ZNF532: variants seen among roughly 807,000 people sequenced by gnomAD.
The protein encoded by ZNF532 is zinc finger protein 532.
ZNF532 carries 22 observed loss-of-function variants against 89.3 expected under a neutral mutation model. The ratio of observed to expected loss-of-function variants is 0.25; its 90% CI spans 0.18 to 0.35. ZNF532 has a LOEUF of 0.35. ZNF532 is among the 10% of genes least tolerant of loss of function. ZNF532 has a pLI of 1.00. For missense variants in ZNF532, 1,132 were observed against 1,643.4 expected (o/e 0.69, Z 5.38); for synonymous variants, 606 against 649.6 (o/e 0.93, Z 1.02).
chr18:58,875,622 G>A (rs1157136674), intron 2 of ZNF532, among the ~76,000 whole-genome samples: 1 of 152,136 alleles, frequency 6.6e-6, no homozygotes, highest in Non-Finnish European at 1.5e-5. Context: ...AAGGGAACCA[G>A]TATTAATCAC....
At chr18:58,913,032 A>G (rs1175170436) in intron 2 of ZNF532, among the ~76,000 whole-genome samples, 1 of 152,216 alleles carries the variant, frequency 6.6e-6, no homozygotes, top group Non-Finnish European at 1.5e-5. Context: ...TGGTGTTTGG[A>G]ATGGAAATGC....
chr18:58,968,989 C>T (rs2066195360), intron 7 of ZNF532, among the ~76,000 whole-genome samples: 1 of 152,056 alleles, frequency 6.6e-6, no homozygotes, highest in African/African-American at 2.4e-5. Context: ...CAGGTGGGGA[C>T]ATCAAAGAAA....
At chr18:58,968,474 C>T (rs1021029736) in intron 7 of ZNF532, among the ~76,000 whole-genome samples, 7 of 152,198 alleles carry the variant, frequency 4.6e-5, no homozygotes, top group African/African-American at 1.2e-4. Flanking sequence ...CATCATGGTG[C>T]TCCCATACCT....
chr18:58,911,293 G>C (rs1371782981), intron 2 of ZNF532, among the ~76,000 whole-genome samples: 1 of 152,254 alleles, frequency 6.6e-6, no homozygotes, highest in African/African-American at 2.4e-5. Flanking sequence ...GCTTGGCAAA[G>C]CCAGCATGAA....
Position 58,981,490 on chromosome 18 carries a change from G to C in ZNF532, c.3284G>C (p.Arg1095Pro). 6.2e-7 allele frequency: 1 copy of C among 1,613,154 alleles called. No individual in the cohort carries two copies. The highest frequency in any genetic ancestry group is 8.5e-7 in the Non-Finnish European group (1 of 1,179,924). The change falls in exon 9 of 10, where the codon CGT becomes CCT. Residue 1095 changes from arginine (R) to proline (P), a missense_variant. By Grantham distance (103) the Arg-to-Pro change is moderately radical (BLOSUM62 -2). Coordinates refer to ENST00000591808, the MANE Select transcript of ZNF532 (RefSeq NM_001375912.1). ...YACSHCPDSR[R>P]TFTKRLMLEK... ...CACAGGCACTGCCCAGACTCCAGAC[G>C]TACCTTTACCAAACGTTTGATGCTG... is the stretch of plus-strand genomic sequence containing the variant.
At chr18:58,867,507 G>A (rs1488174674) in intron 2 of ZNF532, among the ~76,000 whole-genome samples, 1 of 152,134 alleles carries the variant, frequency 6.6e-6, no homozygotes, top group Admixed American at 6.5e-5. Context: ...CCCTGGAGTG[G>A]GGAGAGTCTT....
intron 3 of ZNF532, among the ~76,000 whole-genome samples, chr18:58,920,912 A>T (rs1858706136): frequency 6.6e-6 from 1 of 151,856 alleles, no homozygotes; most frequent in Non-Finnish European, 1.5e-5. Context: ...AGGTGGTAGC[A>T]GGAGTGGTAG....
chr18:58,924,287 C>A lies in ZNF532; in HGVS notation c.2346+3654C>A, dbSNP rs571777633. 4.6e-5 allele frequency among the ~76,000 whole-genome samples: 7 copies of A among 152,386 alleles called. No homozygotes were observed. The South Asian group carries it at 1.4e-3, about 32-fold the overall frequency. ...TTTTTTCTGGTGCTCACACCCTGAC[C>A]TGTGCTTTCTGGGGTAGGAACCCAG... On this transcript the variant is annotated intron_variant, in intron 3 of 9. Coordinates refer to ENST00000591808, the MANE Select transcript of ZNF532 (RefSeq NM_001375912.1).
chr18:58,878,389 T>C (rs1330198521), intron 2 of ZNF532, among the ~76,000 whole-genome samples: 1 of 152,226 alleles, frequency 6.6e-6, no homozygotes, highest in Non-Finnish European at 1.5e-5. Flanking sequence ...GCAGGACAGA[T>C]GGCCATGCAC....
chr18:58,940,797 A>T (rs1187835031), intron 5 of ZNF532, among the ~76,000 whole-genome samples: 1 of 152,100 alleles, frequency 6.6e-6, no homozygotes, highest in African/African-American at 2.4e-5. Context: ...TGGATTAGTT[A>T]TCGCAACATA....
Position 58,920,286 on chromosome 18 carries a change from G to A in ZNF532, c.1999G>A (p.Gly667Arg). The A allele has an allele frequency of 1.2e-6, 2 of 1,613,936 alleles. No individual in the cohort carries two copies. Among genetic ancestry groups the A allele is most frequent in the Non-Finnish European group, 1.7e-6 (2 of 1,179,854 alleles). ...ATGCAGCCTCCTTTCCCATGCCCGT[G>A]GGCATAAGGAGAAAGGGGTGGTAAT... The part of the protein sequence containing the change: ...NKCSLLSHAR[G>R]HKEKGVVMQC... Residue 667 changes from glycine (G) to arginine (R), a missense_variant, in exon 3 of 10, where the codon GGG becomes AGG. Physicochemically the swap from Gly to Arg is moderately radical, Grantham distance 125. This residue lies in a region of ZNF532 where 70 missense variants were observed against 152.1 expected (regional missense o/e 0.46). Coordinates refer to ENST00000591808, the MANE Select transcript of ZNF532 (RefSeq NM_001375912.1).
intron 5 of ZNF532, among the ~76,000 whole-genome samples, chr18:58,946,364 C>T (rs2063662025): frequency 6.7e-6 from 1 of 149,050 alleles, no homozygotes; most frequent in Non-Finnish European, 1.5e-5. Context: ...GTGATCTCAG[C>T]TCACTGCAAC....
At chr18:58,942,244 G>T (rs868432805) in intron 5 of ZNF532, among the ~76,000 whole-genome samples, 7 of 149,628 alleles carry the variant, frequency 4.7e-5, no homozygotes, top group African/African-American at 1.5e-4. Flanking sequence ...GGATGGTCTC[G>T]AACTCCTGAC....
At chr18:58,901,610 A>C (rs1017225691) in intron 2 of ZNF532, among the ~76,000 whole-genome samples, 5 of 152,216 alleles carry the variant, frequency 3.3e-5, no homozygotes, top group African/African-American at 1.2e-4. Context: ...GCAAAGTGGA[A>C]TCTGGAACTT....
At chr18:58,869,840 C>CACT (rs1284275166) in intron 2 of ZNF532, among the ~76,000 whole-genome samples, 1 of 145,522 alleles carries the variant, frequency 6.9e-6, no homozygotes, top group Non-Finnish European at 1.5e-5. Flanking sequence ...GATCTCGGCT[C>CACT]ACTGCAACCT....
intron 2 of ZNF532, among the ~76,000 whole-genome samples, chr18:58,888,797 AT>A (rs1468802651): frequency 0.04 from 2,015 of 50,408 alleles, 158 homozygotes; most frequent in African/African-American, 0.12. Flanking sequence ...AATATATATA[AT>A]TTATATATAT....
chr18:58,960,512 A>G (rs1432389612), intron 7 of ZNF532, among the ~76,000 whole-genome samples: 1 of 152,254 alleles, frequency 6.6e-6, no homozygotes, highest in Non-Finnish European at 1.5e-5. Context: ...CAGCCATTTC[A>G]GAGAACAGAT....
At chr18:58,976,753 G>A (rs1037355425) in intron 7 of ZNF532, among the ~76,000 whole-genome samples, 2 of 152,080 alleles carry the variant, frequency 1.3e-5, no homozygotes, top group African/African-American at 4.8e-5. Context: ...GGCTGGTCTT[G>A]AACTCCTGAC....
In ZNF532 at chr18:58,888,889, T is replaced by TAAAA. The variant is rs1555709716; in HGVS notation, c.-18+23310_-18+23311insAAAA. ...ATATAATATATATTATATATATATATTTTATATATATATATATATATATAA... is the reference window on the plus strand; with the variant it reads ...ATATAATATATATTATATATATATATAAAATTTATATATATATATATATATATAA... On this transcript the variant is annotated intron_variant, in intron 2 of 9. Transcript: ENST00000591808. Among the ~76,000 whole-genome samples the TAAAA allele has an allele frequency of 1.2e-3, 48 of 39,432 alleles. 1 individual carries two copies. Among genetic ancestry groups the TAAAA allele is most frequent in the East Asian group, 1.9e-3 (1 of 532 alleles). 25.9% of individuals were successfully genotyped at this position (39,432 alleles called of 152,430 possible).
Sources: allele counts gnomAD v4.1 joint callset (sites outside exome capture counted in the v4.1 genomes callset), GRCh38; gene constraint gnomAD v4.1.1; regional missense constraint gnomAD v4.1.1; transcripts MANE v1.5; gene names NCBI Gene and HGNC (gene_info 2026-07-23, HGNC 2026-07-21).